The following PDE4D variants were observed in gnomAD, a reference collection of about 807,000 sequenced individuals.
PDE4D encodes phosphodiesterase 4D, also known as 3',5'-cyclic-AMP phosphodiesterase 4D.
A neutral mutation model predicts 87.4 loss-of-function variants in PDE4D; 24 were observed. That is an observed-to-expected ratio of 0.27 (90% CI 0.20 to 0.39). PDE4D has a LOEUF of 0.39. PDE4D is among the 10% of genes least tolerant of loss of function. PDE4D has a pLI of 1.00. For synonymous variants in PDE4D, 384 were observed against 383.2 expected (o/e 1.00, Z -0.02); for missense variants, 714 against 1,041.0 (o/e 0.69, Z 4.32).
intron 1 of PDE4D, among the ~76,000 whole-genome samples, chr5:59,221,088 C>T (rs1752455471): frequency 6.6e-6 from 1 of 152,030 alleles, no homozygotes; most frequent in South Asian, 2.1e-4. Flanking sequence ...TCCATTCGAC[C>T]ATGGGGACTC....
intron 5 of PDE4D, among the ~76,000 whole-genome samples, chr5:59,171,800 T>G (rs915771716): frequency 8.2e-6 from 1 of 122,244 alleles, no homozygotes; most frequent in African/African-American, 3.3e-5. Flanking sequence ...ATATATTATA[T>G]ATTAAATATA....
At chr5:60,039,515 G>A (rs531437651) in intron 2 of PDE4D, among the ~76,000 whole-genome samples, 46 of 151,764 alleles carry the variant, frequency 3.0e-4, no homozygotes, top group African/African-American at 1.0e-3. Flanking sequence ...CAGCACACCA[G>A]CATGGCACAT....
chr5:60,359,999 G>C (rs184101748), intron 1 of PDE4D, among the ~76,000 whole-genome samples: 5 of 152,296 alleles, frequency 3.3e-5, no homozygotes, highest in Non-Finnish European at 5.9e-5. Context: ...CCAGTGCTAA[G>C]CACTTTGAAA....
At chr5:59,965,408 A>G (rs1375877729) in intron 3 of PDE4D, among the ~76,000 whole-genome samples, 1 of 152,140 alleles carries the variant, frequency 6.6e-6, no homozygotes, top group Non-Finnish European at 1.5e-5. Flanking sequence ...GAGATCTTCC[A>G]TGGTTACCCT....
Position 60,156,354 on chromosome 5 carries a change from T to C in PDE4D, c.42+29203A>G, listed in dbSNP as rs573687073. On this transcript the variant is annotated intron_variant, in intron 2 of 16. Transcript: ENST00000502484. ...AAATCCAAGTAACTCATGTCTTTTTTTGACTGGAATCCAAGATTGAAAACA... is the reference window on the plus strand; with the variant it reads ...AAATCCAAGTAACTCATGTCTTTTTCTGACTGGAATCCAAGATTGAAAACA... Among the ~76,000 whole-genome samples the C allele has an allele frequency of 2.0e-5, 3 of 152,332 alleles. No individual in the cohort carries two copies. In the South Asian group the frequency reaches 6.2e-4, roughly 32 times the overall value.
chr5:59,687,638 T>C (rs1031243766), intron 1 of PDE4D, among the ~76,000 whole-genome samples: 9 of 152,142 alleles, frequency 5.9e-5, no homozygotes, highest in South Asian at 2.1e-4. Flanking sequence ...AGACCATCGA[T>C]GCTAGGAAGA....
chr5:60,253,522 A>G (rs10052664), intron 1 of PDE4D, among the ~76,000 whole-genome samples: 151,564 of 151,964 alleles, frequency 1, 75,588 homozygotes, highest in Middle Eastern at 1. Flanking sequence ...TGATGAATTG[A>G]AAGGTGTTCC....
At chr5:60,382,316 G>A (rs182084688) in intron 1 of PDE4D, among the ~76,000 whole-genome samples, 100 of 152,062 alleles carry the variant, frequency 6.6e-4, no homozygotes, top group Admixed American at 3.5e-3. Flanking sequence ...GTTTATTTGC[G>A]GTTTTAGCTA....
intron 2 of PDE4D, among the ~76,000 whole-genome samples, chr5:60,063,207 T>G (rs1582459747): frequency 6.8e-6 from 1 of 147,780 alleles, no homozygotes; most frequent in Admixed American, 6.7e-5. Flanking sequence ...AATTTGGTAA[T>G]TGGGGAGAAA....
At chr5:59,908,863 C>T (rs1040357921) in intron 3 of PDE4D, among the ~76,000 whole-genome samples, 3 of 152,256 alleles carry the variant, frequency 2.0e-5, no homozygotes, top group African/African-American at 7.2e-5. Context: ...TATTAGAATA[C>T]ACTTGGAAAT....
At chr5:59,557,697 C>T (rs140904462) in intron 1 of PDE4D, among the ~76,000 whole-genome samples, 1 of 152,116 alleles carries the variant, frequency 6.6e-6, no homozygotes, top group African/African-American at 2.4e-5. Flanking sequence ...GAGAATAAGG[C>T]ATTTTATTTA....
intron 1 of PDE4D, among the ~76,000 whole-genome samples, chr5:59,692,790 GTGCCTCTGT>G (rs1751184029): frequency 6.6e-6 from 1 of 152,112 alleles, no homozygotes; most frequent in Admixed American, 6.6e-5. Flanking sequence ...GGTATTCTGA[GTGCCTCTGT>G]TGATTTTACC....
chr5:60,477,029 C>G (rs536031895), intron 1 of PDE4D, among the ~76,000 whole-genome samples: 6 of 152,204 alleles, frequency 3.9e-5, no homozygotes, highest in African/African-American at 1.4e-4. Flanking sequence ...GTATGTGTGA[C>G]TGGGCAAAGT....
rs183844980 is a variant in PDE4D at position 59,421,756 on chromosome 5, T to A, written c.456-205788A>T. Reference sequence around the variant, plus strand: ...TACATTTGGAAGTTGCTGAAAGAACTTTTTTTTAAATAAAGAACTCATTGC... The same window carrying A: ...TACATTTGGAAGTTGCTGAAAGAACATTTTTTTAAATAAAGAACTCATTGC... On this transcript the variant is annotated intron_variant, in intron 1 of 14. Coordinates refer to ENST00000340635, the MANE Select transcript of PDE4D (RefSeq NM_001104631.2). Among the ~76,000 whole-genome samples, 293 of 152,068 alleles carry A rather than the reference T, an allele frequency of 1.9e-3. 1 individual carries two copies. Among genetic ancestry groups the A allele is most frequent in the Non-Finnish European group, 3.4e-3 (234 of 67,966 alleles).
chr5:59,669,577 T>G (rs900865150), intron 1 of PDE4D, among the ~76,000 whole-genome samples: 3 of 152,346 alleles, frequency 2.0e-5, no homozygotes, highest in Middle Eastern at 3.4e-3. Flanking sequence ...AAAATTTAAC[T>G]AATTCTGGAG....
intron 2 of PDE4D, among the ~76,000 whole-genome samples, chr5:60,171,743 G>T (rs1783447639): frequency 6.6e-6 from 1 of 151,972 alleles, no homozygotes; most frequent in South Asian, 2.1e-4. Flanking sequence ...ATTTGCATAG[G>T]TGTCTTCTTA....
chr5:59,191,791 G>A (rs913767211), intron 3 of PDE4D, among the ~76,000 whole-genome samples: 3 of 151,968 alleles, frequency 2.0e-5, no homozygotes, highest in Non-Finnish European at 2.9e-5. Context: ...GGCTGGTCTC[G>A]AACTCCTGAC....
chr5:60,108,759 A>T (rs914958695), intron 2 of PDE4D, among the ~76,000 whole-genome samples: 6 of 152,198 alleles, frequency 3.9e-5, no homozygotes, highest in Admixed American at 6.5e-5. Context: ...AGCAATGGGG[A>T]AACGATTCCC....
intron 1 of PDE4D, among the ~76,000 whole-genome samples, chr5:59,628,425 G>A (rs1282244377): frequency 6.6e-6 from 1 of 152,150 alleles, no homozygotes; most frequent in East Asian, 1.9e-4. Flanking sequence ...CAATATAATA[G>A]CCACTAATGG....
Sources: gnomAD v4.1 joint callset for allele counts (sites outside exome capture counted in the v4.1 genomes callset) on GRCh38, gnomAD v4.1.1 for gene constraint, MANE v1.5 for transcripts, NCBI Gene and HGNC (gene_info 2026-07-23, HGNC 2026-07-21) for gene names.